YTHDC1: variants seen among roughly 807,000 people sequenced by gnomAD.
YTHDC1 encodes YTH domain-containing protein 1.
Under a neutral mutation model 107.0 loss-of-function variants are expected in YTHDC1, and 12 were observed. That is an observed-to-expected ratio of 0.11 (90% CI 0.07 to 0.18). The LOEUF (loss-of-function observed/expected upper bound fraction) is 0.18, where lower values mean the gene tolerates loss of function less well. Among genes scored for constraint, YTHDC1 ranks in the 10% least tolerant of loss-of-function variants. YTHDC1 has a pLI of 1.00. For missense variants in YTHDC1, 635 were observed against 898.8 expected, an observed-to-expected ratio of 0.71 and a Z score of 3.75; for synonymous variants, 280 against 289.5, an observed-to-expected ratio of 0.97 and a Z score of 0.33.
intron 9 of YTHDC1, among the ~76,000 whole-genome samples, chr4:68,327,175 G>A (rs767930493): frequency 6.6e-6 from 1 of 152,016 alleles, no homozygotes. Flanking sequence ...GGCGGAAGTT[G>A]TGGTGAGCCG....
At chr4:68,320,612 T>C (rs938443348) in intron 11 of YTHDC1, among the ~76,000 whole-genome samples, 10 of 152,112 alleles carry the variant, frequency 6.6e-5, no homozygotes, top group South Asian at 2.1e-4. Context: ...CCTATCATCA[T>C]TGTACAATAT....
chr4:68,313,802 T>C lies in YTHDC1; in HGVS notation c.*297A>G, dbSNP rs192775885. On this transcript the variant is annotated 3_prime_UTR_variant, in exon 17 of 17. Transcript: ENST00000344157. ...AACAAACAAAAAAATAACTCTAGGATGAACACACTATAAGAACATTTATGG... is the reference window on the plus strand; with the variant it reads ...AACAAACAAAAAAATAACTCTAGGACGAACACACTATAAGAACATTTATGG... 1.9e-4 allele frequency: 68 copies of C among 364,194 alleles called. 2 individuals carry two copies. The Admixed American group carries it at 2.6e-3, about 14-fold the overall frequency. 22.6% of individuals were successfully genotyped at this position (364,194 alleles called of 1,614,324 possible).
Position 68,319,626 on chromosome 4 carries a change from T to C in YTHDC1, c.1684+497A>G, listed in dbSNP as rs780539071. On this transcript the variant is annotated intron_variant, in intron 12 of 16. Transcript: ENST00000344157. The stretch of plus-strand genomic sequence containing the variant: ...AATACATGATATCCCTTCTTGAATA[T>C]AGTTTGCTCTCTTAAATTTCAGTAA... Among the ~76,000 whole-genome samples the C allele has an allele frequency of 2.6e-5, 4 of 152,140 alleles. 1 individual carries two copies. Among genetic ancestry groups the C allele is most frequent in the South Asian group, 4.1e-4 (2 of 4,834 alleles).
intron 1 of YTHDC1, among the ~76,000 whole-genome samples, chr4:68,341,191 CA>C (rs1442082779): frequency 6.6e-6 from 1 of 152,008 alleles, no homozygotes; most frequent in Non-Finnish European, 1.5e-5. Context: ...TGTCTAGTAA[CA>C]AATGGATATT....
chr4:68,316,487 C>A, intron 15 of YTHDC1, 39 bp from the exon 16 acceptor site: 1 of 1,597,296 alleles, frequency 6.3e-7, no homozygotes, highest in Non-Finnish European at 8.5e-7. Context: ...AATCTACCAA[C>A]ACCCTTGTAA....
intron 9 of YTHDC1, among the ~76,000 whole-genome samples, chr4:68,326,717 T>A (rs538376645): frequency 6.6e-6 from 1 of 151,724 alleles, no homozygotes; most frequent in African/African-American, 2.4e-5. Context: ...CAGCCTCCCA[T>A]GTAGCTGGGA....
intron 1 of YTHDC1, among the ~76,000 whole-genome samples, chr4:68,347,811 G>C (rs924509728): frequency 6.6e-6 from 1 of 152,150 alleles, no homozygotes; most frequent in Non-Finnish European, 1.5e-5. Flanking sequence ...AAAGCTAAGT[G>C]TGTGATGATG....
At chr4:68,318,074 T>C (rs1277664938) in intron 15 of YTHDC1, among the ~76,000 whole-genome samples, 1 of 152,198 alleles carries the variant, frequency 6.6e-6, no homozygotes, top group African/African-American at 2.4e-5. Flanking sequence ...AAAGACAGCA[T>C]ACAATTATTT....
intron 1 of YTHDC1, among the ~76,000 whole-genome samples, chr4:68,340,241 T>C (rs916951904): frequency 2.4e-4 from 36 of 152,098 alleles, no homozygotes; most frequent in African/African-American, 8.7e-4. Context: ...TAAGGTTACA[T>C]AGGAAATGGA....
In YTHDC1 at chr4:68,337,844, A is replaced by G; in HGVS notation, c.187T>C (p.Ser63Pro). The G allele has an allele frequency of 6.2e-7, 1 of 1,613,944 alleles. No homozygotes were observed. The highest frequency in any genetic ancestry group is 8.5e-7 in the Non-Finnish European group (1 of 1,180,014). Residue 63 changes from serine to proline, a missense_variant, in exon 3 of 17, where the codon TCT becomes CCT. Ser to Pro is a moderately conservative substitution (Grantham distance 74). Around this residue, in one of 5 missense-constraint regions of YTHDC1, gnomAD observed 294 missense variants for 312.3 expected, o/e 0.94. Transcript: ENST00000344157. ...GAAACCAGTTGTCTAGAATGGACAG[A>G]AGGCTTTTGTCGTTTGGTATCAGTA... ...ESTDTKRQKP[S>P]VHSRQLVSKP...
chr4:68,311,905 T>C lies in YTHDC1; in HGVS notation c.*2194A>G, dbSNP rs1721333016. On this transcript the variant is annotated 3_prime_UTR_variant, in exon 17 of 17. Coordinates refer to ENST00000344157, the MANE Select transcript of YTHDC1 (RefSeq NM_001031732.4). ...GCTCACGCCTGTAATCCCAACACTTTAGGAGGCTGAGGCAGGTGAGGTCAC... is the reference window on the plus strand; with the variant it reads ...GCTCACGCCTGTAATCCCAACACTTCAGGAGGCTGAGGCAGGTGAGGTCAC... The C allele has an allele frequency of 1.3e-5, 2 of 152,206 alleles. No individual in the cohort carries two copies. The highest frequency in any genetic ancestry group is 4.8e-5 in the African/African-American group (2 of 41,464). 9.4% of individuals were successfully genotyped at this position (152,206 alleles called of 1,614,324 possible).
intron 6 of YTHDC1, 94 bp downstream of exon 6, chr4:68,332,700 T>A (rs1578050144): frequency 8.9e-7 from 1 of 1,120,494 alleles, no homozygotes; most frequent in East Asian, 2.4e-5. Context: ...ATCGGAACAT[T>A]ACTACATTAA....
chr4:68,318,865 GT>G lies in YTHDC1; in HGVS notation c.1685-4del. On this transcript the variant is annotated splice_region_variant and splice_polypyrimidine_tract_variant and intron_variant, in intron 12 of 16. Transcript: ENST00000344157. Reference sequence around the variant, plus strand: ...GTATCGTGGATCCTTTAAATACCCTGTTCAAACATCAAGCATTTTAGTAAAT... The same window carrying G: ...GTATCGTGGATCCTTTAAATACCCTGTCAAACATCAAGCATTTTAGTAAAT... 6.2e-7 allele frequency: 1 copy of G among 1,613,882 alleles called. No individual in the cohort carries two copies. The highest frequency in any genetic ancestry group is 8.5e-7 in the Non-Finnish European group (1 of 1,179,912).
chr4:68,324,246 T>G, intron 9 of YTHDC1, 23 bp from the exon 10 acceptor site: 1 of 1,590,410 alleles, frequency 6.3e-7, no homozygotes, highest in Non-Finnish European at 8.6e-7. Context: ...TAATATCAAT[T>G]ACATTCTTCT....
chr4:68,327,688 G>A (rs560827317), intron 9 of YTHDC1, among the ~76,000 whole-genome samples: 1 of 152,152 alleles, frequency 6.6e-6, no homozygotes, highest in Non-Finnish European at 1.5e-5. Flanking sequence ...AGCAGTTACT[G>A]TTGATAGCAA....
intron 6 of YTHDC1, 34 bp from the exon 7 acceptor site, chr4:68,332,231 CA>C (rs1441842785): frequency 6.9e-7 from 1 of 1,445,962 alleles, no homozygotes; most frequent in Non-Finnish European, 9.4e-7. Flanking sequence ...CGATTAACCA[CA>C]AGCCATTATC....
At chr4:68,332,566 C>A (rs943830206) in intron 6 of YTHDC1, among the ~76,000 whole-genome samples, 33 of 149,696 alleles carry the variant, frequency 2.2e-4, no homozygotes, top group Non-Finnish European at 4.2e-4. Context: ...ACACACACAC[C>A]CATCCCATTT....
chr4:68,336,396 A>G (rs1560494797), intron 4 of YTHDC1, among the ~76,000 whole-genome samples: 1 of 152,084 alleles, frequency 6.6e-6, no homozygotes, highest in Non-Finnish European at 1.5e-5. Flanking sequence ...TCATAGGTAT[A>G]GAGAGGCAGG....
chr4:68,349,806 T>A lies in YTHDC1; in HGVS notation c.-53A>T. On this transcript the variant is annotated 5_prime_UTR_variant, in exon 1 of 17. Transcript: ENST00000344157. ...ACCGCCGCCGCCGCTTAGACGCGACTCGCGCGGGCGCCGCAGCCGCGGCAG... is the reference window on the plus strand; with the variant it reads ...ACCGCCGCCGCCGCTTAGACGCGACACGCGCGGGCGCCGCAGCCGCGGCAG... The A allele has an allele frequency of 6.2e-7, 1 of 1,610,346 alleles. No individual in the cohort carries two copies. The highest frequency in any genetic ancestry group is 2.2e-5 in the East Asian group (1 of 44,786).
Sources: allele counts gnomAD v4.1 joint callset (sites outside exome capture counted in the v4.1 genomes callset), GRCh38; gene constraint gnomAD v4.1.1; regional missense constraint gnomAD v4.1.1; transcripts MANE v1.5; gene names NCBI Gene and HGNC (gene_info 2026-07-23, HGNC 2026-07-21).